Variants in DNMT1 observed in about 807,000 individuals in gnomAD.
DNMT1 encodes the protein DNA (cytosine-5)-methyltransferase 1.
Under a neutral mutation model 205.3 loss-of-function variants are expected in DNMT1, and 24 were observed. The observed-to-expected ratio is 0.12, with a 90% confidence interval of 0.08 to 0.16. DNMT1 has a LOEUF of 0.16. Ranked by LOEUF, DNMT1 falls within the 10% of genes least tolerant of loss-of-function variation. The probability of loss-of-function intolerance (pLI) is 1.00; values close to 1 mark genes in which losing one functional copy is unlikely to be tolerated. For missense variants in DNMT1, 1,293 were observed against 2,177.7 expected (o/e 0.59, Z 8.09); for synonymous variants, 817 against 839.8 (o/e 0.97, Z 0.47).
intron 1 of DNMT1, among the ~76,000 whole-genome samples, chr19:10,183,458 G>A (rs2039119856): frequency 6.6e-6 from 1 of 152,112 alleles, no homozygotes; most frequent in Non-Finnish European, 1.5e-5. Context: ...GGTGGCTCAC[G>A]CTTATAATCC....
chr19:10,169,023 A>C (rs902639450), intron 9 of DNMT1, among the ~76,000 whole-genome samples: 1 of 152,038 alleles, frequency 6.6e-6, no homozygotes, highest in African/African-American at 2.4e-5. Context: ...TTTTTAGTAG[A>C]GACAGGGTTT....
chr19:10,149,392 G>GCA (rs2038286547), intron 26 of DNMT1, 61 bp downstream of exon 26: 1 of 1,531,630 alleles, frequency 6.5e-7, no homozygotes, highest in African/African-American at 1.4e-5. Flanking sequence ...AAAACAGAAC[G>GCA]CACGTCAGCA....
In DNMT1 at chr19:10,159,536, G is replaced by T; in HGVS notation, c.1280+122C>A. Reference sequence around the variant, plus strand: ...CCACGGTGGCTCTTATCCACGAAGTGTTAGCTTAAGACATGTTGCAGGTCA... The same window carrying T: ...CCACGGTGGCTCTTATCCACGAAGTTTTAGCTTAAGACATGTTGCAGGTCA... On this transcript the variant is annotated intron_variant, in intron 17 of 40. Transcript: ENST00000359526. The surrounding 1 kb of genome is among the most constrained non-coding windows in gnomAD (Gnocchi z 5.0). 1 of 1,030,590 alleles carries T rather than the reference G, an allele frequency of 9.7e-7. No homozygotes were observed. The highest frequency in any genetic ancestry group is 1.5e-6 in the Non-Finnish European group (1 of 680,998). The allele number at this position is 1,030,590 out of a possible 1,614,324, so 63.8% of individuals were successfully genotyped here. A position where few individuals can be genotyped will look rare whatever the true frequency, so the allele number is the denominator to read the frequency against.
In DNMT1 at chr19:10,154,434, C is replaced by G; in HGVS notation, c.1878G>C (p.Glu626Asp). The change falls in exon 22 of 41, where the codon GAG becomes GAC. Residue 626 changes from glutamate to aspartate, a missense_variant. Physicochemically the swap from Glu to Asp is conservative, Grantham distance 45 (BLOSUM62 2). Coordinates refer to ENST00000359526, the MANE Select transcript of DNMT1 (RefSeq NM_001130823.3). The surrounding 1 kb of genome is among the most constrained non-coding windows in gnomAD (Gnocchi z 6.3). The stretch of plus-strand genomic sequence containing the variant: ...TGGCTTTCGTGGGTCCCCTGTCCTT[C>G]TCCCTGGTAGAATGCCTGATGGTCT... ...RRQTIRHSTR[E>D]KDRGPTKATT... 1 of 1,614,236 alleles carries G rather than the reference C, an allele frequency of 6.2e-7. No homozygotes were observed. The highest frequency in any genetic ancestry group is 1.1e-5 in the South Asian group (1 of 91,090).
intron 27 of DNMT1, among the ~76,000 whole-genome samples, chr19:10,147,420 G>A (rs2038224301): frequency 6.6e-6 from 1 of 152,102 alleles, no homozygotes; most frequent in African/African-American, 2.4e-5. Context: ...AGACCAGCCT[G>A]GCCAACACGG....
In DNMT1 at chr19:10,146,313, G is replaced by A. The variant is rs1382429425; in HGVS notation, c.2894+38C>T. On this transcript the variant is annotated intron_variant, in intron 28 of 40. Coordinates refer to ENST00000359526, the MANE Select transcript of DNMT1 (RefSeq NM_001130823.3). This position sits in a 1 kb window ranked among gnomAD's most constrained non-coding sequence, Gnocchi z 4.4. ...CACAAAGCCAGCCTGGCTCAGCCTG[G>A]AGCGCCCTGGCCCCGGCTGCTCCGA... 1 of 1,610,824 alleles carries A rather than the reference G, an allele frequency of 6.2e-7. No individual in the cohort carries two copies. Among genetic ancestry groups the A allele is most frequent in the South Asian group, 1.1e-5 (1 of 90,876 alleles).
At chr19:10,182,583 T>C (rs1178233677) in intron 1 of DNMT1, among the ~76,000 whole-genome samples, 2 of 150,450 alleles carry the variant, frequency 1.3e-5, no homozygotes, top group African/African-American at 2.4e-5. Flanking sequence ...AGCAGCTCTG[T>C]AACAGAGTAT....
chr19:10,158,608 C>A (rs985421365), intron 17 of DNMT1, among the ~76,000 whole-genome samples: 1 of 152,230 alleles, frequency 6.6e-6, no homozygotes, highest in African/African-American at 2.4e-5. Context: ...CAAAATGGGG[C>A]TGGGGATGCC....
chr19:10,139,696 A>C lies in DNMT1; in HGVS notation c.3928T>G (p.Cys1310Gly), dbSNP rs1182970957. ...CCCACCTGCAGCACGCCGAAGGTGC[A>C]CTGATAGCCCATGCGGACCAGGCAG... ...LRCLVRMGYQCTFGVLQAGQY... is the reference protein window; with the variant it reads ...LRCLVRMGYQGTFGVLQAGQY... The change falls in exon 34 of 41, where the codon TGC becomes GGC. Residue 1310 changes from cysteine (C) to glycine (G), a missense_variant. Cys to Gly is a radical substitution (Grantham distance 159). Around this residue, in one of 13 missense-constraint regions of DNMT1, gnomAD observed 38 missense variants for 141.1 expected, o/e 0.27. Coordinates refer to ENST00000359526, the MANE Select transcript of DNMT1 (RefSeq NM_001130823.3). 1.2e-6 allele frequency: 2 copies of C among 1,613,602 alleles called. No homozygotes were observed. The highest frequency in any genetic ancestry group is 8.5e-7 in the Non-Finnish European group (1 of 1,179,974).
chr19:10,137,639 C>T lies in DNMT1; in HGVS notation c.4293+193G>A. 2.4e-6 allele frequency: 2 copies of T among 816,730 alleles called. No homozygotes were observed. Among genetic ancestry groups the T allele is most frequent in the Non-Finnish European group, 2.0e-6 (1 of 511,076 alleles). The allele number at this position is 816,730 out of a possible 1,614,324, so 50.6% of individuals were successfully genotyped here. A position where few individuals can be genotyped will look rare whatever the true frequency, so the allele number is the denominator to read the frequency against. ...GCTTGACACCATTCCAGACCAAGTCCAGGACTGCGGGAGCTCTGACACTTC... is the reference window on the plus strand; with the variant it reads ...GCTTGACACCATTCCAGACCAAGTCTAGGACTGCGGGAGCTCTGACACTTC... On this transcript the variant is annotated intron_variant, in intron 36 of 40. Transcript: ENST00000359526. This position sits in a 1 kb window ranked among gnomAD's most constrained non-coding sequence, Gnocchi z 6.4.
rs937711990 is a variant in DNMT1 at position 10,154,141 on chromosome 19, G to C, written c.2019+152C>G. 2.5e-6 allele frequency: 2 copies of C among 805,142 alleles called. No individual in the cohort carries two copies. Among genetic ancestry groups the C allele is most frequent in the Admixed American group, 2.0e-5 (1 of 51,176 alleles). The allele number at this position is 805,142 out of a possible 1,614,324, so 49.9% of individuals were successfully genotyped here. On this transcript the variant is annotated intron_variant, in intron 22 of 40. Coordinates refer to ENST00000359526, the MANE Select transcript of DNMT1 (RefSeq NM_001130823.3). This position sits in a 1 kb window ranked among gnomAD's most constrained non-coding sequence, Gnocchi z 6.3. ...TATTGACGTTCAATGAAGTATGCAG[G>C]GTCCTCCCAGACCACTAACTAATTT...
At chr19:10,157,640 C>G (rs1568236727) in intron 17 of DNMT1, among the ~76,000 whole-genome samples, 2 of 152,210 alleles carry the variant, frequency 1.3e-5, no homozygotes, top group African/African-American at 2.4e-5. Context: ...ACTCACCCAG[C>G]TTAGTGCCTT....
intron 1 of DNMT1, 89 bp downstream of exon 1, chr19:10,194,731 G>C: frequency 1.4e-6 from 2 of 1,478,696 alleles, no homozygotes; most frequent in Admixed American, 4.6e-5. Flanking sequence ...TCTGTCAGCA[G>C]CGGCCACCGG....
chr19:10,136,957 C>A, intron 37 of DNMT1, 128 bp downstream of exon 37: 1 of 1,291,730 alleles, frequency 7.7e-7, no homozygotes, highest in Middle Eastern at 1.9e-4. Flanking sequence ...TCAGCAGCTA[C>A]CTTCTCTGGG....
At chr19:10,192,858 C>T (rs2039328501) in intron 1 of DNMT1, among the ~76,000 whole-genome samples, 1 of 151,874 alleles carries the variant, frequency 6.6e-6, no homozygotes. Context: ...ACCAGCCTGA[C>T]CAACATGGAG....
chr19:10,146,540 G>A lies in DNMT1; in HGVS notation c.2721-16C>T, dbSNP rs769977684. 3.7e-6 allele frequency: 6 copies of A among 1,613,892 alleles called. No individual in the cohort carries two copies. The South Asian group carries it at 5.5e-5, about 15-fold the overall frequency. ...CACACAGAATCTGAAGGAAACAAAG[G>A]GACAGAAACATAAGGCCCTGAGGTG... On this transcript the variant is annotated splice_polypyrimidine_tract_variant and intron_variant, in intron 27 of 40. Coordinates refer to ENST00000359526, the MANE Select transcript of DNMT1 (RefSeq NM_001130823.3). The surrounding 1 kb of genome is among the most constrained non-coding windows in gnomAD (Gnocchi z 4.4).
chr19:10,185,202 G>C (rs1024743223), intron 1 of DNMT1, among the ~76,000 whole-genome samples: 2 of 152,120 alleles, frequency 1.3e-5, no homozygotes, highest in Non-Finnish European at 2.9e-5. Flanking sequence ...GAGGTGGGCG[G>C]ATCATGAGGT....
At chr19:10,134,355 A>G in intron 39 of DNMT1, 48 bp from the exon 40 acceptor site, 1 of 1,568,700 alleles carries the variant, frequency 6.4e-7, no homozygotes, top group Non-Finnish European at 8.8e-7. Flanking sequence ...CCCAGGCCCA[A>G]GGCCCGGGGG....
intron 1 of DNMT1, among the ~76,000 whole-genome samples, chr19:10,183,875 C>CAAAATAAAAT (rs535003569): frequency 2.0e-5 from 3 of 151,840 alleles, no homozygotes; most frequent in African/African-American, 7.3e-5. Flanking sequence ...AACTCTGTCT[C>CAAAATAAAAT]AAAATAAAAT....
Sources: allele counts gnomAD v4.1 joint callset (sites outside exome capture counted in the v4.1 genomes callset), GRCh38; gene constraint gnomAD v4.1.1; regional missense constraint gnomAD v4.1.1; non-coding constraint Gnocchi (gnomAD v3.1); transcripts MANE v1.5; gene names NCBI Gene and HGNC (gene_info 2026-07-23, HGNC 2026-07-21).